Variants in GALNT17 observed in about 807,000 individuals in gnomAD.
The protein encoded by GALNT17 is polypeptide N-acetylgalactosaminyltransferase 17, also known as UDP-GalNAc:polypeptide N-acetylgalactosaminyltransferase-like 3.
In GALNT17, 29 loss-of-function variants were observed where a neutral mutation model predicts 63.7. That is an observed-to-expected ratio of 0.46 (90% CI 0.34 to 0.62). GALNT17 has a LOEUF of 0.62. GALNT17 is among the 20% of genes least tolerant of loss of function. The probability of loss-of-function intolerance (pLI) is 0.01; values close to 1 mark genes in which losing one functional copy is unlikely to be tolerated. For synonymous variants in GALNT17, 305 were observed against 318.3 expected, an observed-to-expected ratio of 0.96 and a Z score of 0.45; for missense variants, 603 against 799.6, an observed-to-expected ratio of 0.75 and a Z score of 2.97.
At chr7:71,521,478 C>A (rs989971047) in intron 5 of GALNT17, among the ~76,000 whole-genome samples, 1 of 152,202 alleles carries the variant, frequency 6.6e-6, no homozygotes, top group South Asian at 2.1e-4. Flanking sequence ...TTTGTATTAA[C>A]TATTGCAATT....
chr7:71,551,457 C>T (rs1376966256), intron 5 of GALNT17, among the ~76,000 whole-genome samples: 2 of 152,080 alleles, frequency 1.3e-5, no homozygotes, highest in African/African-American at 2.4e-5. Context: ...CTTTTGTTGT[C>T]TGTTATTTTC....
At chr7:71,598,627 A>G (rs1789922190) in intron 6 of GALNT17, among the ~76,000 whole-genome samples, 1 of 152,198 alleles carries the variant, frequency 6.6e-6, no homozygotes, top group Admixed American at 6.5e-5. Context: ...TCAACAAACT[A>G]TCTAGAAATA....
chr7:71,363,780 G>A (rs752460888), intron 2 of GALNT17, among the ~76,000 whole-genome samples: 3 of 152,292 alleles, frequency 2.0e-5, no homozygotes, highest in African/African-American at 7.2e-5. Context: ...AGTGGTGGAC[G>A]GAAAACAGAA....
chr7:71,705,279 T>A (rs946940260), intron 9 of GALNT17, among the ~76,000 whole-genome samples: 2 of 152,140 alleles, frequency 1.3e-5, no homozygotes, highest in Non-Finnish European at 2.9e-5. Flanking sequence ...ACATCTTTAG[T>A]CATTAGAGAA....
intron 1 of GALNT17, among the ~76,000 whole-genome samples, chr7:71,150,462 A>G (rs1164734969): frequency 1.3e-5 from 2 of 151,906 alleles, no homozygotes; most frequent in African/African-American, 4.8e-5. Context: ...TGGCCCACCA[A>G]AACTCCTACG....
chr7:71,688,923 A>G (rs1298030637), intron 9 of GALNT17, among the ~76,000 whole-genome samples: 5 of 152,168 alleles, frequency 3.3e-5, no homozygotes, highest in Admixed American at 1.3e-4. Context: ...GAGCAAGTCT[A>G]TGGGTGCCGT....
intron 6 of GALNT17, among the ~76,000 whole-genome samples, chr7:71,623,890 C>A (rs931304153): frequency 6.6e-6 from 1 of 152,184 alleles, no homozygotes; most frequent in African/African-American, 2.4e-5. Flanking sequence ...TGGCAAAAGA[C>A]AGGACCAAAA....
At chr7:71,585,639 A>T (rs1320634441) in intron 6 of GALNT17, among the ~76,000 whole-genome samples, 3 of 151,492 alleles carry the variant, frequency 2.0e-5, no homozygotes, top group Admixed American at 6.6e-5. Context: ...GTTTTTTTTT[A>T]AATAAATATT....
chr7:71,440,069 C>T (rs1310734791), intron 5 of GALNT17, among the ~76,000 whole-genome samples: 4 of 151,736 alleles, frequency 2.6e-5, no homozygotes, highest in South Asian at 2.1e-4. Flanking sequence ...CTTAGCCTCC[C>T]GAGCATGCGC....
chr7:71,299,281 C>A (rs554006604), intron 1 of GALNT17, among the ~76,000 whole-genome samples: 1 of 152,098 alleles, frequency 6.6e-6, no homozygotes, highest in African/African-American at 2.4e-5. Flanking sequence ...TGTTTTAATC[C>A]GCTGGGACTA....
At chr7:71,391,654 T>C (rs1198706240) in intron 3 of GALNT17, among the ~76,000 whole-genome samples, 1 of 151,776 alleles carries the variant, frequency 6.6e-6, no homozygotes, top group Non-Finnish European at 1.5e-5. Flanking sequence ...AGCTAATTTA[T>C]ATATATATTT....
Position 71,259,654 on chromosome 7 carries a change from T to G in GALNT17, c.239-75896T>G, listed in dbSNP as rs182378865. Reference sequence around the variant, plus strand: ...TTGTTTTTTGTTTTTTTGTTTTTTTTTTTTTGAGACGGAGTCTTGCTCTGT... The same window carrying G: ...TTGTTTTTTGTTTTTTTGTTTTTTTGTTTTTGAGACGGAGTCTTGCTCTGT... On this transcript the variant is annotated intron_variant, in intron 1 of 10. Coordinates refer to ENST00000333538, the MANE Select transcript of GALNT17 (RefSeq NM_022479.3). 5.7e-4 allele frequency among the ~76,000 whole-genome samples: 85 copies of G among 149,734 alleles called. 1 individual carries two copies. The highest frequency in any genetic ancestry group is 1.8e-3 in the Admixed American group (28 of 15,154).
chr7:71,515,833 T>G (rs1466656096), intron 5 of GALNT17, among the ~76,000 whole-genome samples: 1 of 152,162 alleles, frequency 6.6e-6, no homozygotes, highest in East Asian at 1.9e-4. Flanking sequence ...CCTGTGTTTT[T>G]TCCAAAGAGG....
intron 2 of GALNT17, among the ~76,000 whole-genome samples, chr7:71,374,904 A>G (rs1324349339): frequency 6.9e-6 from 1 of 145,744 alleles, no homozygotes; most frequent in Non-Finnish European, 1.5e-5. Context: ...CAGTGGCGCA[A>G]TCTTGGCTCA....
intron 9 of GALNT17, among the ~76,000 whole-genome samples, chr7:71,710,285 A>C (rs1009064546): frequency 9.9e-5 from 15 of 152,138 alleles, no homozygotes; most frequent in African/African-American, 1.4e-4. Flanking sequence ...CGAGGTGGGC[A>C]GATCACGAGG....
chr7:71,583,169 A>C (rs1233628066), intron 6 of GALNT17, among the ~76,000 whole-genome samples: 1 of 152,224 alleles, frequency 6.6e-6, no homozygotes, highest in East Asian at 1.9e-4. Context: ...ATCGCGACTC[A>C]CTGCAACCTC....
intron 5 of GALNT17, among the ~76,000 whole-genome samples, chr7:71,544,052 C>G (rs896576974): frequency 6.6e-6 from 1 of 151,908 alleles, no homozygotes; most frequent in Non-Finnish European, 1.5e-5. Flanking sequence ...CTCAGCCCCC[C>G]AAAGGGCCAG....
chr7:71,320,600 T>C (rs2115999615), intron 1 of GALNT17, among the ~76,000 whole-genome samples: 1 of 152,196 alleles, frequency 6.6e-6, no homozygotes, highest in South Asian at 2.1e-4. Flanking sequence ...AATGGGATCT[T>C]GCCAAGAGGG....
intron 1 of GALNT17, among the ~76,000 whole-genome samples, chr7:71,141,116 C>G (rs10253779): frequency 0.16 from 23,810 of 152,006 alleles, 2,264 homozygotes; most frequent in African/African-American, 0.26. Context: ...CGCCTGTAAT[C>G]CCAGCACTTT....
Sources: gnomAD v4.1 joint callset for allele counts (sites outside exome capture counted in the v4.1 genomes callset) on GRCh38, gnomAD v4.1.1 for gene constraint, MANE v1.5 for transcripts, NCBI Gene and HGNC (gene_info 2026-07-23, HGNC 2026-07-21) for gene names.